Variants in GYPE observed in about 807,000 individuals in gnomAD.
GYPE encodes glycophorin E (MNS blood group).
In GYPE, 8 loss-of-function variants were observed where a neutral mutation model predicts 11.6. The observed-to-expected ratio is 0.69, with a 90% confidence interval of 0.41 to 1.25. The LOEUF (loss-of-function observed/expected upper bound fraction) is 1.25. GYPE is among the 50% of genes most tolerant of loss of function. The pLI, the probability that GYPE is intolerant of heterozygous loss-of-function variation, is 0.01. For missense variants in GYPE, 90 were observed against 92.8 expected (o/e 0.97, Z 0.12); for synonymous variants, 28 against 29.6 (o/e 0.94, Z 0.18).
In GYPE at chr4:143,882,614, C is replaced by A. The variant is rs990440817; in HGVS notation, c.38-2105G>T. 3.5e-4 allele frequency among the ~76,000 whole-genome samples: 54 copies of A among 152,316 alleles called. 1 individual carries two copies. The highest frequency in any genetic ancestry group is 1.2e-3 in the African/African-American group (50 of 41,558). On this transcript the variant is annotated intron_variant, in intron 1 of 3. Coordinates refer to ENST00000358615, the MANE Select transcript of GYPE (RefSeq NM_198682.3). ...GGGCATGTAACAATAAACTTGAGAT[C>A]AGCCTTTGGCTCAGCTACATGGGAA... is the stretch of plus-strand genomic sequence containing the variant.
chr4:143,894,127 C>T (rs905293898), intron 1 of GYPE, among the ~76,000 whole-genome samples: 1 of 152,086 alleles, frequency 6.6e-6, no homozygotes, highest in African/African-American at 2.4e-5. Flanking sequence ...CTGCATTATT[C>T]ACGTAGTTCT....
intron 2 of GYPE, chr4:143,878,620 T>G (rs750932057): frequency 4.2e-6 from 2 of 472,986 alleles, no homozygotes; most frequent in East Asian, 1.3e-4. Flanking sequence ...TTTTGATTCT[T>G]TGTCAAATAT....
intron 1 of GYPE, among the ~76,000 whole-genome samples, chr4:143,894,569 G>A (rs1472623378): frequency 6.6e-6 from 1 of 152,048 alleles, no homozygotes; most frequent in Admixed American, 6.6e-5. Flanking sequence ...GTTTGCTAGA[G>A]GTCCACTCCA....
chr4:143,903,210 CTTATT>C (rs1744931181), intron 1 of GYPE, among the ~76,000 whole-genome samples: 1 of 151,808 alleles, frequency 6.6e-6, no homozygotes, highest in Non-Finnish European at 1.5e-5. Context: ...CTGTTTTTAT[CTTATT>C]TTAATAAGAT....
intron 1 of GYPE, among the ~76,000 whole-genome samples, chr4:143,890,393 A>T (rs1314460247): frequency 6.6e-6 from 1 of 152,186 alleles, no homozygotes; most frequent in African/African-American, 2.4e-5. Flanking sequence ...ACACACATTA[A>T]ATTTGGGCTT....
chr4:143,894,378 G>A (rs61088631), intron 1 of GYPE, among the ~76,000 whole-genome samples: 17,395 of 152,100 alleles, frequency 0.11, 1,142 homozygotes, highest in Non-Finnish European at 0.14. Context: ...TGGAGGAGGA[G>A]AGGTGCTCTG....
At chr4:143,880,244 A>T (rs2667334) in intron 2 of GYPE, among the ~76,000 whole-genome samples, 167 bp downstream of exon 2, 5 of 152,276 alleles carry the variant, frequency 3.3e-5, no homozygotes, top group South Asian at 2.1e-4. Flanking sequence ...TTTCAGAGGC[A>T]AGAATTCCTC....
rs552139686 is a variant in GYPE, at chr4:143,875,279, C to A, written c.*9+1467G>T. The A allele has an allele frequency of 6.0e-5, 36 of 595,568 alleles. No individual in the cohort carries two copies. The African/African-American group carries it at 6.5e-4, about 11-fold the overall frequency. 36.9% of individuals were successfully genotyped at this position (595,568 alleles called of 1,614,324 possible). On this transcript the variant is annotated intron_variant, in intron 3 of 3. Coordinates refer to ENST00000358615, the MANE Select transcript of GYPE (RefSeq NM_198682.3). ...AATGGGCTTTACATTTTAAACATAG[C>A]TTGAAATAACAAATCATGACTATAC...
At chr4:143,900,200 C>T (rs1744808054) in intron 1 of GYPE, among the ~76,000 whole-genome samples, 1 of 145,560 alleles carries the variant, frequency 6.9e-6, no homozygotes, top group Admixed American at 6.9e-5. Context: ...AGAAGATTCT[C>T]AGCATCATGA....
chr4:143,897,012 TG>T (rs1560950299), intron 1 of GYPE, among the ~76,000 whole-genome samples: 2 of 113,056 alleles, frequency 1.8e-5, no homozygotes, highest in Non-Finnish European at 3.8e-5. Flanking sequence ...TGTTGTGGGG[TG>T]GGGGCAGGGG....
Position 143,880,286 on chromosome 4 carries a change from G to A in GYPE, c.136+125C>T. 1.2e-5 allele frequency: 18 copies of A among 1,467,370 alleles called. No individual in the cohort carries two copies. The South Asian group carries it at 2.0e-4, about 17-fold the overall frequency. The allele number at this position is 1,467,370 out of a possible 1,614,324, so 90.9% of individuals were successfully genotyped here. On this transcript the variant is annotated intron_variant, in intron 2 of 3. Transcript: ENST00000358615. ...AGGAATTGTGTCTACTTAGTAGGCT[G>A]TGTCTACTTAGCTCGCATTTCTCAG...
intron 1 of GYPE, among the ~76,000 whole-genome samples, chr4:143,884,997 A>G (rs1481496590): frequency 6.6e-6 from 1 of 150,930 alleles, no homozygotes; most frequent in Non-Finnish European, 1.5e-5. Context: ...TAGGGGAAAA[A>G]AAAACATGCC....
At chr4:143,898,076 A>G (rs557701152) in intron 1 of GYPE, among the ~76,000 whole-genome samples, 1 of 152,270 alleles carries the variant, frequency 6.6e-6, no homozygotes, top group African/African-American at 2.4e-5. Flanking sequence ...TTTTAGATTG[A>G]GTCAAAAGAG....
At chr4:143,872,640 C>G (rs1179573362) in intron 3 of GYPE, among the ~76,000 whole-genome samples, 5 of 152,060 alleles carry the variant, frequency 3.3e-5, no homozygotes, top group African/African-American at 1.2e-4. Flanking sequence ...TTCCTGTGTT[C>G]TAGCCATTAT....
Position 143,885,515 on chromosome 4 carries a change from G to C in GYPE, c.38-5006C>G, listed in dbSNP as rs549491622. Among the ~76,000 whole-genome samples the C allele has an allele frequency of 7.9e-5, 12 of 152,186 alleles. No homozygotes were observed. In the South Asian group the frequency reaches 2.5e-3, roughly 32 times the overall value. ...TTCTGAAGTGAAGGCTGAAACCCCA[G>C]AGATCAAACACTGTACTCAAGTATA... On this transcript the variant is annotated intron_variant, in intron 1 of 3. Coordinates refer to ENST00000358615, the MANE Select transcript of GYPE (RefSeq NM_198682.3).
At chr4:143,881,733 T>C (rs751023049) in intron 1 of GYPE, among the ~76,000 whole-genome samples, 1 of 152,222 alleles carries the variant, frequency 6.6e-6, no homozygotes, top group African/African-American at 2.4e-5. Context: ...TTTTTCACTC[T>C]TCTGAGAGTT....
chr4:143,905,473 G>T lies in GYPE; in HGVS notation c.35C>A (p.Ser12Ter). ...CAAGATGAAATAAAATCACTTACCT[G>T]ACAATAGTAATACAAAGATTATTTT... ...YGKIIFVLLL[S>*]GIVSISASST... is the part of the protein sequence containing the mutation. Residue 12 changes from serine to a stop codon, truncating the protein, a stop_gained and splice_region_variant, in exon 1 of 4, where the codon TCA (serine) becomes TAA (stop). Transcript: ENST00000358615. LOFTEE classifies it high-confidence loss of function. The T allele has an allele frequency of 1.9e-6, 3 of 1,613,052 alleles. No homozygotes were observed. Among genetic ancestry groups the T allele is most frequent in the South Asian group, 2.2e-5 (2 of 91,030 alleles).
intron 1 of GYPE, among the ~76,000 whole-genome samples, chr4:143,899,148 C>T (rs1007293343): frequency 1.1e-4 from 16 of 147,786 alleles, no homozygotes; most frequent in African/African-American, 4.0e-4. Context: ...GAAGACAGAC[C>T]GTCAACCTTC....
Position 143,876,923 on chromosome 4 carries a change from A to C in GYPE, c.137-68T>G, listed in dbSNP as rs1743837583. 22 of 826,384 alleles carry C rather than the reference A, an allele frequency of 2.7e-5. No homozygotes were observed. In the South Asian group the frequency reaches 2.9e-4, roughly 11 times the overall value. 51.2% of individuals were successfully genotyped at this position (826,384 alleles called of 1,614,324 possible). A position where few individuals can be genotyped will look rare whatever the true frequency, so the allele number is the denominator to read the frequency against. ...ATAAATGACCACATCCAATTGAAAA[A>C]TAAGATAACATCAGCATAACATCAC... On this transcript the variant is annotated intron_variant, in intron 2 of 3. Transcript: ENST00000358615.
Sources: gnomAD v4.1 joint callset for allele counts (sites outside exome capture counted in the v4.1 genomes callset) on GRCh38, gnomAD v4.1.1 for gene constraint, MANE v1.5 for transcripts, NCBI Gene and HGNC (gene_info 2026-07-23, HGNC 2026-07-21) for gene names.